Variants in DLG2 observed in about 807,000 individuals in gnomAD.
DLG2 encodes the protein disks large homolog 2.
In DLG2, 45 loss-of-function variants were observed where a neutral mutation model predicts 132.5. The observed-to-expected ratio is 0.34, with a 90% CI of 0.27 to 0.44. The LOEUF (loss-of-function observed/expected upper bound fraction) is 0.44, where lower values mean the gene tolerates loss of function less well. DLG2 is among the 20% of genes least tolerant of loss of function. DLG2 has a pLI of 1.00. For synonymous variants in DLG2, 424 were observed against 419.6 expected (o/e 1.01, Z -0.13); for missense variants, 1,045 against 1,196.9 (o/e 0.87, Z 1.87).
At chr11:84,281,821 T>C (rs1320918182) in intron 7 of DLG2, among the ~76,000 whole-genome samples, 2 of 152,282 alleles carry the variant, frequency 1.3e-5, no homozygotes, top group Middle Eastern at 3.4e-3. Context: ...AAGATACTAC[T>C]ACATACCTAT....
chr11:85,242,710 ATTTT>A (rs2075949169), intron 4 of DLG2, among the ~76,000 whole-genome samples: 1 of 151,484 alleles, frequency 6.6e-6, no homozygotes, highest in Non-Finnish European at 1.5e-5. Context: ...TTTTATACTT[ATTTT>A]ATTTTCTTAT....
intron 6 of DLG2, among the ~76,000 whole-genome samples, chr11:84,650,009 CAG>C (rs1209773027): frequency 2.6e-5 from 4 of 152,140 alleles, no homozygotes; most frequent in African/African-American, 9.7e-5. Flanking sequence ...CTCTCTCTTT[CAG>C]AGAGTAAATA....
intron 11 of DLG2, among the ~76,000 whole-genome samples, chr11:84,034,750 G>T (rs144763608): frequency 7.2e-4 from 110 of 152,254 alleles, no homozygotes; most frequent in African/African-American, 2.4e-3. Context: ...TCAGGGGACT[G>T]CTGCCCTCTG....
chr11:83,759,834 A>G (rs1273283012), intron 18 of DLG2, among the ~76,000 whole-genome samples: 1 of 152,232 alleles, frequency 6.6e-6, no homozygotes, highest in African/African-American at 2.4e-5. Flanking sequence ...AAGGACATCC[A>G]GAACCCAAAT....
At chr11:85,444,947 T>C (rs1236687564) in intron 3 of DLG2, among the ~76,000 whole-genome samples, 1 of 152,072 alleles carries the variant, frequency 6.6e-6, no homozygotes, top group African/African-American at 2.4e-5. Flanking sequence ...GTTTACAAGG[T>C]TAAAAATAAA....
chr11:84,430,455 G>GAAAAAAA (rs11397729), intron 7 of DLG2, among the ~76,000 whole-genome samples: 1 of 142,680 alleles, frequency 7.0e-6, no homozygotes. Context: ...AAAAAGAAAA[G>GAAAAAAA]AAAAAAAAAA....
chr11:84,615,102 T>C (rs965207854), intron 6 of DLG2, among the ~76,000 whole-genome samples: 1 of 152,154 alleles, frequency 6.6e-6, no homozygotes, highest in South Asian at 2.1e-4. Context: ...ATTTATTCTG[T>C]CACTACAAAT....
At chr11:84,695,771 A>T (rs1197846940) in intron 6 of DLG2, among the ~76,000 whole-genome samples, 3 of 151,514 alleles carry the variant, frequency 2.0e-5, no homozygotes, top group Admixed American at 6.6e-5. Flanking sequence ...ATCAACACAT[A>T]TATTATTACT....
chr11:85,467,977 T>A (rs2092852030), intron 3 of DLG2, among the ~76,000 whole-genome samples: 1 of 152,196 alleles, frequency 6.6e-6, no homozygotes, highest in African/African-American at 2.4e-5. Context: ...AATTATTGCC[T>A]CAATTTCACA....
intron 7 of DLG2, among the ~76,000 whole-genome samples, chr11:84,377,571 C>T (rs2098734232): frequency 6.6e-6 from 1 of 151,718 alleles, no homozygotes; most frequent in East Asian, 1.9e-4. Context: ...GATATTAGAA[C>T]TCTAAAATAT....
At chr11:85,114,552 A>G (rs1157648032) in intron 5 of DLG2, among the ~76,000 whole-genome samples, 1 of 151,976 alleles carries the variant, frequency 6.6e-6, no homozygotes, top group Admixed American at 6.6e-5. Flanking sequence ...CGTTAAAAAC[A>G]TGTCCTCTTA....
At chr11:85,074,325 C>G (rs1157332880) in intron 6 of DLG2, among the ~76,000 whole-genome samples, 3 of 151,896 alleles carry the variant, frequency 2.0e-5, no homozygotes, top group Non-Finnish European at 4.4e-5. Flanking sequence ...TTCACCACTT[C>G]TAAGCCTTTA....
intron 3 of DLG2, among the ~76,000 whole-genome samples, chr11:85,396,947 G>A (rs981731071): frequency 7.2e-5 from 11 of 152,106 alleles, no homozygotes; most frequent in Non-Finnish European, 1.5e-4. Flanking sequence ...GATACTCCTC[G>A]AGAAGAGCAA....
chr11:84,746,771 G>T (rs571967832), intron 6 of DLG2, among the ~76,000 whole-genome samples: 2 of 152,130 alleles, frequency 1.3e-5, no homozygotes, highest in African/African-American at 4.8e-5. Flanking sequence ...AAGCACTAAG[G>T]TCATTATTCT....
intron 5 of DLG2, 121 bp from the exon 6 acceptor site, chr11:85,111,856 G>A: frequency 1.4e-6 from 1 of 699,084 alleles, no homozygotes; most frequent in South Asian, 3.0e-5. Flanking sequence ...GAGAGAGAAT[G>A]CTTTGTTGGT....
chr11:84,247,899 A>G (rs2097323443), intron 8 of DLG2, among the ~76,000 whole-genome samples: 1 of 152,202 alleles, frequency 6.6e-6, no homozygotes, highest in Non-Finnish European at 1.5e-5. Context: ...TATTTTTTAG[A>G]AAGACTTTAA....
At chr11:84,976,267 AT>A (rs2054890970) in intron 6 of DLG2, among the ~76,000 whole-genome samples, 1 of 152,146 alleles carries the variant, frequency 6.6e-6, no homozygotes, top group South Asian at 2.1e-4. Flanking sequence ...GAATAAACAG[AT>A]TGGGGATAGA....
At chr11:84,669,749 G>A (rs1205645793) in intron 6 of DLG2, among the ~76,000 whole-genome samples, 1 of 152,092 alleles carries the variant, frequency 6.6e-6, no homozygotes, top group Non-Finnish European at 1.5e-5. Context: ...TGATCAAATG[G>A]ACTGTCAGAA....
At chr11:84,539,289 T>A (rs1366828340) in intron 6 of DLG2, among the ~76,000 whole-genome samples, 2 of 152,232 alleles carry the variant, frequency 1.3e-5, no homozygotes, top group Non-Finnish European at 2.9e-5. Flanking sequence ...TCTAAGTTAG[T>A]TAGGACTCAA....
Sources: gnomAD v4.1 joint callset for allele counts (sites outside exome capture counted in the v4.1 genomes callset) on GRCh38, gnomAD v4.1.1 for gene constraint, MANE v1.5 for transcripts, NCBI Gene and HGNC (gene_info 2026-07-23, HGNC 2026-07-21) for gene names.